DDX31: variants seen among roughly 807,000 people sequenced by gnomAD.
The protein encoded by DDX31 is DEAD-box helicase 31.
A neutral mutation model predicts 91.3 loss-of-function variants in DDX31; 70 were observed. That is an observed-to-expected ratio of 0.77 (90% CI 0.63 to 0.94). The LOEUF (loss-of-function observed/expected upper bound fraction) is 0.94. Among genes scored for constraint, DDX31 ranks in the 40% least tolerant of loss-of-function variants. The probability of loss-of-function intolerance (pLI) is 0.00; values close to 1 mark genes in which losing one functional copy is unlikely to be tolerated. For missense variants in DDX31, 902 were observed against 925.0 expected (o/e 0.98, Z 0.32); for synonymous variants, 362 against 350.6 (o/e 1.03, Z -0.36).
intron 17 of DDX31, among the ~76,000 whole-genome samples, chr9:132,623,290 G>C (rs1832160496): frequency 6.6e-6 from 1 of 152,064 alleles, no homozygotes; most frequent in Non-Finnish European, 1.5e-5. Flanking sequence ...GGGTGCAGTG[G>C]CTCATGCCTG....
chr9:132,663,182 G>C, intron 1 of DDX31: 1 of 1,289,250 alleles, frequency 7.8e-7, no homozygotes, highest in South Asian at 1.2e-5. Flanking sequence ...GGGGGAATGC[G>C]CATCTCAGCC....
chr9:132,632,594 A>T (rs573491260), intron 14 of DDX31, among the ~76,000 whole-genome samples: 1 of 152,106 alleles, frequency 6.6e-6, no homozygotes, highest in Non-Finnish European at 1.5e-5. Context: ...ACGCCTAACA[A>T]GCTGGCCTTG....
chr9:132,665,147 T>C (rs7039654), intron 1 of DDX31, among the ~76,000 whole-genome samples: 9,452 of 152,272 alleles, frequency 0.062, 900 homozygotes, highest in African/African-American at 0.21. Context: ...CTGTCCTACA[T>C]AGCACTGTAT....
chr9:132,597,920 A>G (rs914947093), intron 19 of DDX31, among the ~76,000 whole-genome samples: 8 of 152,206 alleles, frequency 5.3e-5, no homozygotes, highest in African/African-American at 1.9e-4. Flanking sequence ...GCCGTTCGAA[A>G]GCACCTTTTG....
chr9:132,625,686 T>C lies in DDX31; in HGVS notation c.1691A>G (p.Lys564Arg). The C allele has an allele frequency of 6.2e-7, 1 of 1,613,954 alleles. No homozygotes were observed. ...LCVLTRDDCF[K>R]GKRWGAQKSH... The stretch of plus-strand genomic sequence containing the variant: ...CACCTGGGCTCCCCATCGTTTCCCT[T>C]TAAAACAATCATCTCTTGTCAGAAC... Residue 564 changes from lysine (K) to arginine (R), a missense_variant, in exon 17 of 20, where the codon AAA (lysine) becomes AGA (arginine). Physicochemically the swap from Lys to Arg is conservative, Grantham distance 26. Coordinates refer to ENST00000372159, the MANE Select transcript of DDX31 (RefSeq NM_022779.9).
Position 132,612,283 on chromosome 9 carries a change from G to A in DDX31, c.1826-28C>T, listed in dbSNP as rs780327707. 8.7e-6 allele frequency: 14 copies of A among 1,612,928 alleles called. 2 individuals carry two copies. The South Asian group carries it at 1.5e-4, about 18-fold the overall frequency. On this transcript the variant is annotated intron_variant, in intron 18 of 19. Transcript: ENST00000372159. ...GAAAGAAAAGAGAGCGGGGAGGGAA[G>A]CTGTCAGGACCGGGGTCTCCAAGCT... is the stretch of plus-strand genomic sequence containing the variant.
chr9:132,614,347 T>C (rs1323633684), intron 18 of DDX31, among the ~76,000 whole-genome samples: 2 of 152,068 alleles, frequency 1.3e-5, no homozygotes, highest in Admixed American at 6.6e-5. Flanking sequence ...ACGCTTCAAA[T>C]GGTCTGTACT....
intron 16 of DDX31, among the ~76,000 whole-genome samples, chr9:132,627,148 GA>G (rs1832446416): frequency 6.6e-6 from 1 of 152,174 alleles, no homozygotes; most frequent in Non-Finnish European, 1.5e-5. Context: ...AGAAATGCAA[GA>G]ATTTGGAGTC....
intron 14 of DDX31, among the ~76,000 whole-genome samples, chr9:132,632,566 C>T (rs1228679226): frequency 1.3e-5 from 2 of 152,148 alleles, no homozygotes; most frequent in South Asian, 4.1e-4. Flanking sequence ...TATCACCCCC[C>T]GCCCACAACC....
At chr9:132,610,860 C>T (rs935593237) in intron 19 of DDX31, among the ~76,000 whole-genome samples, 1 of 152,090 alleles carries the variant, frequency 6.6e-6, no homozygotes, top group African/African-American at 2.4e-5. Context: ...AAGGGAAGGC[C>T]CCAAACTCAC....
At chr9:132,642,173 G>T in intron 13 of DDX31, 110 bp from the exon 14 acceptor site, 1 of 938,664 alleles carries the variant, frequency 1.1e-6, no homozygotes, top group Non-Finnish European at 1.7e-6. Flanking sequence ...CTATTTTCAG[G>T]CACAGAGAGG....
chr9:132,631,560 C>T (rs7853213), intron 15 of DDX31, among the ~76,000 whole-genome samples: 29,160 of 152,146 alleles, frequency 0.19, 3,594 homozygotes, highest in East Asian at 0.42. Context: ...AAAAACAAAA[C>T]TAAAACCACC....
Position 132,595,671 on chromosome 9 carries a change from CTT to C in DDX31, c.1995-561_1995-560del, listed in dbSNP as rs1342131326. Among the ~76,000 whole-genome samples the C allele has an allele frequency of 6.6e-6, 1 of 152,194 alleles. No individual in the cohort carries two copies. The highest frequency in any genetic ancestry group is 1.5e-5 in the Non-Finnish European group (1 of 68,044). On this transcript the variant is annotated intron_variant, in intron 19 of 19. Coordinates refer to ENST00000372159, the MANE Select transcript of DDX31 (RefSeq NM_022779.9). The surrounding 1 kb of genome is among the most constrained non-coding windows in gnomAD (Gnocchi z 4.6). The stretch of plus-strand genomic sequence containing the variant: ...TAGCTCTTTATGAACGGAAAAAACT[CTT>C]AAACATATTTCTGACCCTACAAAAC...
intron 19 of DDX31, among the ~76,000 whole-genome samples, chr9:132,608,792 C>G (rs1284867263): frequency 6.6e-6 from 1 of 152,120 alleles, no homozygotes; most frequent in Non-Finnish European, 1.5e-5. Flanking sequence ...TAATTGTGAC[C>G]ACAGCATAAC....
At chr9:132,631,547 AG>A (rs561704845) in intron 15 of DDX31, among the ~76,000 whole-genome samples, 108 of 152,376 alleles carry the variant, frequency 7.1e-4, no homozygotes, top group African/African-American at 2.5e-3. Flanking sequence ...ACTAATGAAA[AG>A]AAAAAACAAA....
chr9:132,647,256 T>C (rs959711725), intron 11 of DDX31, among the ~76,000 whole-genome samples, 198 bp from the exon 12 acceptor site: 21 of 152,148 alleles, frequency 1.4e-4, no homozygotes, highest in African/African-American at 3.1e-4. Flanking sequence ...TATCTTTCCA[T>C]AGCCATTCTA....
intron 15 of DDX31, 104 bp from the exon 16 acceptor site, chr9:132,630,507 C>T (rs919149580): frequency 8.3e-7 from 1 of 1,208,690 alleles, no homozygotes. Flanking sequence ...AGAATTAAAT[C>T]CTGGTGCTAT....
intron 19 of DDX31, among the ~76,000 whole-genome samples, chr9:132,610,955 T>A (rs992531225): frequency 6.6e-6 from 1 of 152,196 alleles, no homozygotes; most frequent in African/African-American, 2.4e-5. Context: ...CCTCTGTCTT[T>A]GCCGTGACAG....
intron 14 of DDX31, among the ~76,000 whole-genome samples, chr9:132,640,513 T>G (rs1227109423): frequency 6.6e-6 from 1 of 152,202 alleles, no homozygotes; most frequent in Non-Finnish European, 1.5e-5. Context: ...TTTTTTTCTT[T>G]TGAGACAAGG....
Sources: gnomAD v4.1 joint callset for allele counts (sites outside exome capture counted in the v4.1 genomes callset) on GRCh38, gnomAD v4.1.1 for gene constraint, Gnocchi (gnomAD v3.1) non-coding constraint, MANE v1.5 for transcripts, NCBI Gene and HGNC (gene_info 2026-07-23, HGNC 2026-07-21) for gene names.